The following VSNL1 variants were observed in gnomAD, a reference collection of about 807,000 sequenced individuals.
The protein encoded by VSNL1 is visinin like 1, also known as visinin-like protein 1.
In VSNL1, 6 loss-of-function variants were observed where a neutral mutation model predicts 20.4. The observed-to-expected ratio is 0.29, with a 90% CI of 0.16 to 0.58. The LOEUF (loss-of-function observed/expected upper bound fraction) is 0.58. Ranked by LOEUF, VSNL1 falls within the 20% of genes least tolerant of loss-of-function variation. VSNL1 has a pLI of 0.90. For missense variants in VSNL1, 100 were observed against 234.5 expected (o/e 0.43, Z 3.75); for synonymous variants, 93 against 86.4 (o/e 1.08, Z -0.42).
chr2:17,543,750 T>C (rs1429785615), intron 1 of VSNL1, among the ~76,000 whole-genome samples: 3 of 152,224 alleles, frequency 2.0e-5, no homozygotes, highest in Non-Finnish European at 4.4e-5. Flanking sequence ...TCTTTCGCAG[T>C]TTCTGCTCTC....
At chr2:17,650,294 C>T (rs1268402920) in intron 3 of VSNL1, among the ~76,000 whole-genome samples, 1 of 152,228 alleles carries the variant, frequency 6.6e-6, no homozygotes, top group African/African-American at 2.4e-5. Context: ...AATATGCCCA[C>T]TCCACCCTCA....
intron 1 of VSNL1, among the ~76,000 whole-genome samples, chr2:17,590,281 G>T (rs1422750169): frequency 6.6e-6 from 1 of 152,080 alleles, no homozygotes; most frequent in African/African-American, 2.4e-5. Flanking sequence ...AGTACTGAAA[G>T]GTTTCACAAT....
chr2:17,604,410 TGTG>T (rs1443615327), intron 2 of VSNL1, among the ~76,000 whole-genome samples: 1 of 152,218 alleles, frequency 6.6e-6, no homozygotes, highest in East Asian at 1.9e-4. Context: ...AGCCTAGTCT[TGTG>T]GTGTCATCCC....
chr2:17,610,340 G>T (rs1285421367), intron 2 of VSNL1, among the ~76,000 whole-genome samples: 1 of 152,148 alleles, frequency 6.6e-6, no homozygotes, highest in Non-Finnish European at 1.5e-5. Flanking sequence ...CAAGTGGACT[G>T]GCAATAATAA....
chr2:17,572,129 C>A (rs1005978555), intron 1 of VSNL1, among the ~76,000 whole-genome samples: 2 of 151,936 alleles, frequency 1.3e-5, no homozygotes, highest in Non-Finnish European at 2.9e-5. Flanking sequence ...ATAATAGCAC[C>A]TCCTTTCACT....
intron 2 of VSNL1, among the ~76,000 whole-genome samples, chr2:17,640,264 A>G (rs1025487399): frequency 4.0e-5 from 6 of 151,736 alleles, no homozygotes; most frequent in Non-Finnish European, 7.4e-5. Flanking sequence ...AAAAAAAAAA[A>G]AAAAAGAAAG....
intron 2 of VSNL1, among the ~76,000 whole-genome samples, chr2:17,630,093 A>T (rs551094208): frequency 6.6e-5 from 10 of 152,382 alleles, no homozygotes; most frequent in African/African-American, 2.2e-4. Context: ...CAAGCAAGCA[A>T]GCCAAACGAG....
At chr2:17,552,223 C>CTT (rs1663560379) in intron 1 of VSNL1, among the ~76,000 whole-genome samples, 1 of 135,250 alleles carries the variant, frequency 7.4e-6, no homozygotes, top group East Asian at 3.0e-4. Context: ...CAAAAAAAAA[C>CTT]TTAGCACGTA....
intron 1 of VSNL1, among the ~76,000 whole-genome samples, chr2:17,575,858 G>A (rs191665996): frequency 6.6e-6 from 1 of 152,180 alleles, no homozygotes; most frequent in East Asian, 1.9e-4. Flanking sequence ...ATCTTTACAA[G>A]TTCTCATATG....
At chr2:17,540,662 G>T (rs1400322326), upstream of VSNL1, 2 of 152,714 alleles carry the variant, frequency 1.3e-5, no homozygotes, top group African/African-American at 4.8e-5. Context: ...TGCGCATCCA[G>T]CTCCAGGGAC....
rs746123097 is a variant in VSNL1 at position 17,649,564 on chromosome 2, A to G, written c.317A>G (p.Asn106Ser). 1.9e-6 allele frequency: 3 copies of G among 1,613,928 alleles called. No homozygotes were observed. The highest frequency in any genetic ancestry group is 1.3e-5 in the African/African-American group (1 of 74,880). The stretch of plus-strand genomic sequence containing the variant: ...GAGCAGAAGCTGAACTGGGCCTTCA[A>G]TATGTATGACCTGGATGGTGATGGC... ...SFEQKLNWAF[N>S]MYDLDGDGKI... The change falls in exon 3 of 4, where the codon AAT becomes AGT. Residue 106 changes from asparagine (N) to serine (S), a missense_variant. Transcript: ENST00000295156. This position sits in a 1 kb window ranked among gnomAD's most constrained non-coding sequence, Gnocchi z 6.4.
chr2:17,647,072 T>C lies in VSNL1; in HGVS notation c.163-2338T>C, dbSNP rs140748105. Among the ~76,000 whole-genome samples the C allele has an allele frequency of 9.0e-3, 1,367 of 152,338 alleles. 10 individuals carry two copies. Among genetic ancestry groups the C allele is most frequent in the Non-Finnish European group, 0.014 (977 of 68,026 alleles). ...CATGTTGGTTGTAAAAGTCAGTATA[T>C]AGACCTTCTGCAAGACACATGTAAC... is the stretch of plus-strand genomic sequence containing the variant. On this transcript the variant is annotated intron_variant, in intron 2 of 3. Coordinates refer to ENST00000295156, the MANE Select transcript of VSNL1 (RefSeq NM_003385.5).
At chr2:17,642,369 C>T (rs773953969) in intron 2 of VSNL1, among the ~76,000 whole-genome samples, 3 of 134,402 alleles carry the variant, frequency 2.2e-5, no homozygotes, top group South Asian at 2.4e-4. Context: ...AGTGCAGTGG[C>T]GCTATCTTGG....
At chr2:17,542,316 C>T (rs945462287) in intron 1 of VSNL1, among the ~76,000 whole-genome samples, 3 of 152,066 alleles carry the variant, frequency 2.0e-5, no homozygotes, top group African/African-American at 7.2e-5. Context: ...GAAAATGCTG[C>T]ACTGAAGCAG....
intron 2 of VSNL1, among the ~76,000 whole-genome samples, chr2:17,597,860 AT>A (rs1664744016): frequency 6.6e-6 from 1 of 152,194 alleles, no homozygotes; most frequent in South Asian, 2.1e-4. Flanking sequence ...TTTTTGAGTA[AT>A]GCTTTTCACT....
At chr2:17,652,971 T>C (rs1335705963) in intron 3 of VSNL1, among the ~76,000 whole-genome samples, 1 of 152,226 alleles carries the variant, frequency 6.6e-6, no homozygotes, top group African/African-American at 2.4e-5. Flanking sequence ...GTTCATCTAC[T>C]TTGTTTCCCA....
At chr2:17,625,936 C>T (rs749644052) in intron 2 of VSNL1, among the ~76,000 whole-genome samples, 5 of 148,672 alleles carry the variant, frequency 3.4e-5, no homozygotes, top group Non-Finnish European at 5.9e-5. Context: ...CTAAGCAAGT[C>T]GTTGGGATTA....
rs1394594267 is a variant in VSNL1, at chr2:17,645,945, G to C, written c.163-3465G>C. Reference sequence around the variant, plus strand: ...TTGTCAGCAGCCTGTATATTAGGATGGGGGGAAAGGACCACATGCGAATAT... The same window carrying C: ...TTGTCAGCAGCCTGTATATTAGGATCGGGGGAAAGGACCACATGCGAATAT... On this transcript the variant is annotated intron_variant, in intron 2 of 3. Transcript: ENST00000295156. Among the ~76,000 whole-genome samples the C allele has an allele frequency of 2.0e-5, 3 of 152,156 alleles. No homozygotes were observed. The East Asian group carries it at 5.8e-4, about 29-fold the overall frequency.
intron 2 of VSNL1, among the ~76,000 whole-genome samples, chr2:17,629,863 G>C (rs1014566942): frequency 1.2e-4 from 19 of 152,206 alleles, no homozygotes; most frequent in African/African-American, 4.6e-4. Flanking sequence ...GGACACGGTG[G>C]GGTGGTCCCC....
Sources: gnomAD v4.1 joint callset for allele counts (sites outside exome capture counted in the v4.1 genomes callset) on GRCh38, gnomAD v4.1.1 for gene constraint, Gnocchi (gnomAD v3.1) non-coding constraint, MANE v1.5 for transcripts, NCBI Gene and HGNC (gene_info 2026-07-23, HGNC 2026-07-21) for gene names.